SNX29: variants seen among roughly 807,000 people sequenced by gnomAD.
The protein encoded by SNX29 is sorting nexin 29.
SNX29 carries 78 observed loss-of-function variants against 102.1 expected under a neutral mutation model. That is an observed-to-expected ratio of 0.76 (90% confidence interval 0.64 to 0.92). The LOEUF is 0.92. Ranked by LOEUF, SNX29 falls within the 40% of genes least tolerant of loss-of-function variation. The probability of loss-of-function intolerance (pLI) is 0.00; values close to 1 mark genes in which losing one functional copy is unlikely to be tolerated. For missense variants in SNX29, 1,280 were observed against 1,061.7 expected (o/e 1.21, Z -2.86); for synonymous variants, 580 against 414.5 (o/e 1.40, Z -4.85).
intron 3 of SNX29, among the ~76,000 whole-genome samples, chr16:12,021,814 G>A (rs772603108): frequency 6.6e-6 from 1 of 151,650 alleles, no homozygotes; most frequent in African/African-American, 2.4e-5. Flanking sequence ...AATCTCGAAC[G>A]TGGGTGGCAG....
chr16:12,403,376 C>G (rs983681401), intron 17 of SNX29, 72 bp from the exon 18 acceptor site: 4 of 1,460,984 alleles, frequency 2.7e-6, no homozygotes, highest in Non-Finnish European at 3.7e-6. Context: ...GTCTCCTTTC[C>G]TCTTTTTTAT....
chr16:11,989,867 G>T (rs1001405189), intron 1 of SNX29, among the ~76,000 whole-genome samples: 1 of 152,228 alleles, frequency 6.6e-6, no homozygotes, highest in East Asian at 1.9e-4. Context: ...TCTGAGAAGG[G>T]AACGTTTGAG....
chr16:12,031,526 G>C (rs990655051), intron 4 of SNX29, among the ~76,000 whole-genome samples: 1 of 151,880 alleles, frequency 6.6e-6, no homozygotes, highest in Non-Finnish European at 1.5e-5. Flanking sequence ...AAAAAATATG[G>C]CCGGGCGTGG....
At chr16:12,144,212 T>G (rs1025218250) in intron 13 of SNX29, among the ~76,000 whole-genome samples, 2 of 152,164 alleles carry the variant, frequency 1.3e-5, no homozygotes, top group South Asian at 2.1e-4. Context: ...AAAGGCTGAT[T>G]TTTAGCTCAG....
intron 20 of SNX29, among the ~76,000 whole-genome samples, chr16:12,538,135 A>G (rs138858643): frequency 3.3e-5 from 5 of 152,120 alleles, no homozygotes; most frequent in Admixed American, 2.6e-4. Context: ...TTTATTTTTG[A>G]GACGGAGTCT....
intron 13 of SNX29, among the ~76,000 whole-genome samples, chr16:12,168,508 C>G (rs1169448768): frequency 6.6e-6 from 1 of 152,190 alleles, no homozygotes; most frequent in Non-Finnish European, 1.5e-5. Context: ...TAGGTCCCCA[C>G]CTCGTTACAT....
rs575294488 is a variant in SNX29, at chr16:12,396,693, C to A, written c.1900-1753C>A. On this transcript the variant is annotated intron_variant, in intron 16 of 20. Coordinates refer to ENST00000566228, the MANE Select transcript of SNX29 (RefSeq NM_032167.5). ...TCTTTGCCCTTTTCCATCCATGATGCGTAACTGTTAGGAAGGCACCATCTC... is the reference window on the plus strand; with the variant it reads ...TCTTTGCCCTTTTCCATCCATGATGAGTAACTGTTAGGAAGGCACCATCTC... Among the ~76,000 whole-genome samples the A allele has an allele frequency of 4.4e-4, 67 of 152,220 alleles. No individual in the cohort carries two copies. In the South Asian group the frequency reaches 0.014, roughly 32 times the overall value.
chr16:12,307,451 A>G (rs897158428), intron 15 of SNX29, among the ~76,000 whole-genome samples: 1 of 152,222 alleles, frequency 6.6e-6, no homozygotes, highest in African/African-American at 2.4e-5. Flanking sequence ...GGCGTGTGGA[A>G]TTCTCACATT....
At chr16:12,389,570 T>C (rs570407439) in intron 16 of SNX29, among the ~76,000 whole-genome samples, 1 of 152,306 alleles carries the variant, frequency 6.6e-6, no homozygotes, top group African/African-American at 2.4e-5. Context: ...CTTTCCTTTA[T>C]AATTACCTTT....
At chr16:12,539,551 A>T (rs1287643629) in intron 20 of SNX29, among the ~76,000 whole-genome samples, 1 of 152,212 alleles carries the variant, frequency 6.6e-6, no homozygotes, top group Non-Finnish European at 1.5e-5. Flanking sequence ...GGAAACATTC[A>T]AGTGCAGCTT....
intron 15 of SNX29, among the ~76,000 whole-genome samples, chr16:12,355,008 C>T (rs756559935): frequency 3.7e-4 from 56 of 152,166 alleles, no homozygotes; most frequent in Non-Finnish European, 7.6e-4. Context: ...GGGGAACTCA[C>T]AGAGCAAGTT....
chr16:12,171,782 A>G (rs2076155004), intron 13 of SNX29, among the ~76,000 whole-genome samples: 1 of 152,194 alleles, frequency 6.6e-6, no homozygotes, highest in Non-Finnish European at 1.5e-5. Flanking sequence ...AATGATTGTT[A>G]TATGTACTCA....
At chr16:12,357,368 C>T (rs563383968) in intron 16 of SNX29, among the ~76,000 whole-genome samples, 1 of 152,224 alleles carries the variant, frequency 6.6e-6, no homozygotes, top group East Asian at 1.9e-4. Context: ...TCCTTATCAC[C>T]CCCATTACCA....
chr16:12,415,071 G>T (rs2084570871), intron 18 of SNX29, among the ~76,000 whole-genome samples: 1 of 152,224 alleles, frequency 6.6e-6, no homozygotes. Flanking sequence ...AGGGGCTAAG[G>T]GCTCCATGGC....
rs936153441 is a variant in SNX29, at chr16:12,563,815, TTTTA to T, written c.2319-4684_2319-4681del. On this transcript the variant is annotated intron_variant, in intron 20 of 20. Transcript: ENST00000566228. ...CTGCAACACCCACCCATTTGCTGCT[TTTTA>T]TTTATTCAGGCTGCCTGTAAATATC... is the stretch of plus-strand genomic sequence containing the variant. Among the ~76,000 whole-genome samples the T allele has an allele frequency of 1.2e-4, 18 of 152,288 alleles. No homozygotes were observed. The East Asian group carries it at 1.9e-3, about 16-fold the overall frequency.
chr16:12,504,317 G>A (rs1428641517), intron 19 of SNX29, among the ~76,000 whole-genome samples: 1 of 152,120 alleles, frequency 6.6e-6, no homozygotes, highest in African/African-American at 2.4e-5. Context: ...TATATTTCCA[G>A]AATTGTGCAG....
chr16:12,065,402 T>C (rs571819758), intron 9 of SNX29, among the ~76,000 whole-genome samples: 2 of 152,318 alleles, frequency 1.3e-5, no homozygotes, highest in East Asian at 3.9e-4. Flanking sequence ...CAAGGTGATA[T>C]GACTGCTCAT....
At chr16:12,214,887 C>G (rs926669102) in intron 14 of SNX29, among the ~76,000 whole-genome samples, 1 of 152,138 alleles carries the variant, frequency 6.6e-6, no homozygotes, top group African/African-American at 2.4e-5. Context: ...AAAATGTAAT[C>G]TCTTTATTTC....
intron 20 of SNX29, among the ~76,000 whole-genome samples, chr16:12,538,054 G>C (rs17240457): frequency 0.084 from 12,649 of 151,394 alleles, 727 homozygotes; most frequent in Non-Finnish European, 0.11. Flanking sequence ...AAGTATAATC[G>C]ATCTTGGTGA....
Sources: gnomAD v4.1 joint callset for allele counts (sites outside exome capture counted in the v4.1 genomes callset) on GRCh38, gnomAD v4.1.1 for gene constraint, MANE v1.5 for transcripts, NCBI Gene and HGNC (gene_info 2026-07-23, HGNC 2026-07-21) for gene names.